TRRAP: variants seen among roughly 807,000 people sequenced by gnomAD.
TRRAP encodes the protein transformation/transcription domain-associated protein.
TRRAP carries 41 observed loss-of-function variants against 438.8 expected under a neutral mutation model. The ratio of observed to expected loss-of-function variants is 0.09; its 90% confidence interval spans 0.07 to 0.12. TRRAP has a LOEUF of 0.12. Ranked by LOEUF, TRRAP falls within the 10% of genes least tolerant of loss-of-function variation. The probability of loss-of-function intolerance (pLI) is 1.00; values close to 1 mark genes in which losing one functional copy is unlikely to be tolerated. For missense variants in TRRAP, 3,122 were observed against 5,055.1 expected (o/e 0.62, Z 11.60); for synonymous variants, 1,994 against 1,962.9 (o/e 1.02, Z -0.42).
chr7:98,967,811 A>G (rs1792223937), intron 51 of TRRAP, 113 bp downstream of exon 51: 2 of 925,044 alleles, frequency 2.2e-6, no homozygotes, highest in Non-Finnish European at 3.2e-6. Context: ...AATCTCCAGC[A>G]CAAACCTGCT....
At chr7:98,930,425 A>C (rs1273201533) in intron 24 of TRRAP, among the ~76,000 whole-genome samples, 1 of 152,202 alleles carries the variant, frequency 6.6e-6, no homozygotes, top group South Asian at 2.1e-4. Flanking sequence ...AAAAATAAAA[A>C]AAATTAGCCA....
At chr7:99,007,341 CTG>C (rs1245480343) in intron 69 of TRRAP, among the ~76,000 whole-genome samples, 1 of 152,142 alleles carries the variant, frequency 6.6e-6, no homozygotes, top group East Asian at 1.9e-4. Flanking sequence ...TTGGCAGAGT[CTG>C]TTTTTTTTTA....
intron 18 of TRRAP, among the ~76,000 whole-genome samples, chr7:98,913,064 C>T (rs1443877224): frequency 4.6e-5 from 7 of 152,112 alleles, no homozygotes; most frequent in Non-Finnish European, 8.8e-5. Flanking sequence ...ATTTGGTCCT[C>T]GTTGCTTGGT....
Position 98,993,668 on chromosome 7 carries a change from C to A in TRRAP, c.9978C>A (p.Pro3326=). ...TGCACATGCAGCGAGAGCTCCACCC[C>A]ACCCTTCTGTCTTCCCTGGAAGGCA... ...RIMHMQRELH[P]TLLSSLEGIV... Residue 3326 remains proline, a synonymous_variant, in exon 66 of 73, where the codon CCC becomes CCA. Transcript: ENST00000456197. 1 of 1,614,240 alleles carries A rather than the reference C, an allele frequency of 6.2e-7. No individual in the cohort carries two copies. The highest frequency in any genetic ancestry group is 8.5e-7 in the Non-Finnish European group (1 of 1,180,036).
At chr7:98,969,242 C>T (rs1792297859) in intron 51 of TRRAP, among the ~76,000 whole-genome samples, 1 of 152,238 alleles carries the variant, frequency 6.6e-6, no homozygotes, top group Admixed American at 6.5e-5. Context: ...CTATGGTCCC[C>T]ATAGCCTCTC....
Position 98,905,267 on chromosome 7 carries a change from G to A in TRRAP, c.1037-910G>A, listed in dbSNP as rs192890793. ...GCTGTTTCCATTTGGCTGTTCCTCC[G>A]TGTGCTGCCTGGCTGTGCAGTTACC... is the stretch of plus-strand genomic sequence containing the variant. On this transcript the variant is annotated intron_variant, in intron 12 of 72. Transcript: ENST00000456197. Among the ~76,000 whole-genome samples the A allele has an allele frequency of 3.0e-3, 459 of 152,232 alleles. 4 individuals carry two copies. Among genetic ancestry groups the A allele is most frequent in the Non-Finnish European group, 4.4e-3 (298 of 68,026 alleles).
At chr7:98,962,473 T>TCTCC in intron 47 of TRRAP, 46 bp downstream of exon 47, 1 of 1,612,668 alleles carries the variant, frequency 6.2e-7, no homozygotes, top group Admixed American at 1.7e-5. Context: ...CAGTTTGGCC[T>TCTCC]CTTTCCCCGC....
In TRRAP at chr7:98,911,129, C is replaced by T; in HGVS notation, c.1865C>T (p.Thr622Ile). The change falls in exon 17 of 73, where the codon ACT becomes ATT. Residue 622 changes from threonine to isoleucine, a missense_variant. Coordinates refer to ENST00000456197, the MANE Select transcript of TRRAP (RefSeq NM_001375524.1). ...QTYIRVANCQ[T>I]VRMKEEKEVL... ...TACATCCGTGTGGCCAACTGCCAGA[C>T]TGTGAGAATGAAAGAGGAGAAGGAG... 6.2e-7 allele frequency: 1 copy of T among 1,614,076 alleles called. No homozygotes were observed. The highest frequency in any genetic ancestry group is 8.5e-7 in the Non-Finnish European group (1 of 1,180,008).
intron 11 of TRRAP, among the ~76,000 whole-genome samples, chr7:98,903,009 C>T (rs1268825007): frequency 6.6e-6 from 1 of 151,138 alleles, no homozygotes; most frequent in Non-Finnish European, 1.5e-5. Flanking sequence ...TCGAGGGTCA[C>T]TTGAGTCAAG....
At chr7:98,907,347 G>C (rs1276809126) in intron 13 of TRRAP, among the ~76,000 whole-genome samples, 2 of 151,686 alleles carry the variant, frequency 1.3e-5, no homozygotes, top group African/African-American at 4.8e-5. Context: ...TAGTGATAAT[G>C]GTTACTATTT....
intron 3 of TRRAP, among the ~76,000 whole-genome samples, chr7:98,883,246 G>A: frequency 6.6e-6 from 1 of 151,902 alleles, no homozygotes; most frequent in Non-Finnish European, 1.5e-5. Context: ...AACTTGCTGG[G>A]TTTTTCTTAG....
intron 47 of TRRAP, 125 bp from the exon 48 acceptor site, chr7:98,964,504 A>G: frequency 9.0e-7 from 1 of 1,106,708 alleles, no homozygotes; most frequent in Non-Finnish European, 1.3e-6. Context: ...AAAAGCTCAC[A>G]GTGTTGACAC....
chr7:98,886,415 GAT>G (rs1348629320), intron 3 of TRRAP, among the ~76,000 whole-genome samples: 7 of 151,576 alleles, frequency 4.6e-5, no homozygotes, highest in Non-Finnish European at 8.8e-5. Flanking sequence ...TATCTAGAGA[GAT>G]ATGGATATCT....
At chr7:98,894,536 A>G (rs1312482743) in intron 6 of TRRAP, among the ~76,000 whole-genome samples, 1 of 151,994 alleles carries the variant, frequency 6.6e-6, no homozygotes, top group African/African-American at 2.4e-5. Context: ...TTAAAAGCAT[A>G]AAGATGAAAT....
In TRRAP at chr7:99,012,564, T is replaced by A; in HGVS notation, c.*209T>A. 1.6e-6 allele frequency: 1 copy of A among 620,470 alleles called. No individual in the cohort carries two copies. Among genetic ancestry groups the A allele is most frequent in the Non-Finnish European group, 2.7e-6 (1 of 371,906 alleles). The allele number at this position is 620,470 out of a possible 1,614,324, so 38.4% of individuals were successfully genotyped here. A position where few individuals can be genotyped will look rare whatever the true frequency, so the allele number is the denominator to read the frequency against. ...CTATGACGATGCTGGGCGAAGCGGTTGGAAATGGCAGAGCTGAAACTTATT... is the reference window on the plus strand; with the variant it reads ...CTATGACGATGCTGGGCGAAGCGGTAGGAAATGGCAGAGCTGAAACTTATT... On this transcript the variant is annotated 3_prime_UTR_variant, in exon 73 of 73. Coordinates refer to ENST00000456197, the MANE Select transcript of TRRAP (RefSeq NM_001375524.1). The surrounding 1 kb of genome is among the most constrained non-coding windows in gnomAD (Gnocchi z 5.9).
Position 98,956,769 on chromosome 7 carries a change from G to C in TRRAP, c.6231+236G>C, listed in dbSNP as rs116368425. Reference sequence around the variant, plus strand: ...ATACCATTAAAGTTCTGTTGATGATGGTTGATTACTTGCAGAAAGGCATCT... The same window carrying C: ...ATACCATTAAAGTTCTGTTGATGATCGTTGATTACTTGCAGAAAGGCATCT... On this transcript the variant is annotated intron_variant, in intron 43 of 72. Transcript: ENST00000456197. The surrounding 1 kb of genome is among the most constrained non-coding windows in gnomAD (Gnocchi z 4.5). Among the ~76,000 whole-genome samples the C allele has an allele frequency of 6.6e-6, 1 of 152,132 alleles. No individual in the cohort carries two copies. Among genetic ancestry groups the C allele is most frequent in the Non-Finnish European group, 1.5e-5 (1 of 68,026 alleles).
At chr7:98,919,463 G>A (rs1554410113) in intron 20 of TRRAP, among the ~76,000 whole-genome samples, 1 of 152,198 alleles carries the variant, frequency 6.6e-6, no homozygotes, top group Non-Finnish European at 1.5e-5. Context: ...TTAGCTGGAT[G>A]TGGTGGTACA....
chr7:98,911,343 T>A, intron 17 of TRRAP, 72 bp downstream of exon 17: 1 of 1,378,614 alleles, frequency 7.3e-7, no homozygotes, highest in Non-Finnish European at 9.7e-7. Flanking sequence ...CTTTTTCATT[T>A]ATTTCAAGGA....
In TRRAP at chr7:98,994,165, G is replaced by A. The variant is rs1405378686; in HGVS notation, c.10048-422G>A. ...TTAAGCTGATGACAGAATAGTCCACGCCTCACTGCCCAGATGCTTACCTGG... is the reference window on the plus strand; with the variant it reads ...TTAAGCTGATGACAGAATAGTCCACACCTCACTGCCCAGATGCTTACCTGG... On this transcript the variant is annotated intron_variant, in intron 66 of 72. Coordinates refer to ENST00000456197, the MANE Select transcript of TRRAP (RefSeq NM_001375524.1). This position sits in a 1 kb window ranked among gnomAD's most constrained non-coding sequence, Gnocchi z 4.8. Among the ~76,000 whole-genome samples, 1 of 152,118 alleles carries A rather than the reference G, an allele frequency of 6.6e-6. No homozygotes were observed. Among genetic ancestry groups the A allele is most frequent in the Non-Finnish European group, 1.5e-5 (1 of 68,028 alleles).
Sources: gnomAD v4.1 joint callset for allele counts (sites outside exome capture counted in the v4.1 genomes callset) on GRCh38, gnomAD v4.1.1 for gene constraint, Gnocchi (gnomAD v3.1) non-coding constraint, MANE v1.5 for transcripts, NCBI Gene and HGNC (gene_info 2026-07-23, HGNC 2026-07-21) for gene names.